The following COL4A3 variants were observed in gnomAD, a reference collection of about 807,000 sequenced individuals.
COL4A3 encodes collagen type IV alpha 3 chain.
A neutral mutation model predicts 217.4 loss-of-function variants in COL4A3; 135 were observed. That is an observed-to-expected ratio of 0.62 (90% CI 0.54 to 0.72). The LOEUF (loss-of-function observed/expected upper bound fraction) is 0.72, where lower values mean the gene tolerates loss of function less well. Ranked by LOEUF, COL4A3 falls within the 30% of genes least tolerant of loss-of-function variation. COL4A3 has a pLI of 0.00. For missense variants in COL4A3, 1,868 were observed against 2,119.9 expected, an observed-to-expected ratio of 0.88 and a Z score of 2.33; for synonymous variants, 690 against 736.3, an observed-to-expected ratio of 0.94 and a Z score of 1.02.
At chr2:227,286,074 GATA>G (rs2072303105) in intron 34 of COL4A3, among the ~76,000 whole-genome samples, 1 of 152,180 alleles carries the variant, frequency 6.6e-6, no homozygotes, top group Non-Finnish European at 1.5e-5. Context: ...TGTAGAAAAA[GATA>G]ATAAAGACGC....
intron 24 of COL4A3, 56 bp from the exon 25 acceptor site, chr2:227,270,714 G>C (rs2071183085): frequency 6.4e-7 from 1 of 1,565,366 alleles, no homozygotes; most frequent in Non-Finnish European, 8.8e-7. Context: ...TTTTAAGATT[G>C]ACAGAAGAAG....
chr2:227,249,228 ATATTTTTTTT>A lies in COL4A3; in HGVS notation c.546+710_546+719del, dbSNP rs1318474286. On this transcript the variant is annotated intron_variant, in intron 9 of 51. Transcript: ENST00000396578. Reference sequence around the variant, plus strand: ...AATTAGCTAGTATATATATATATATATATTTTTTTTTTTTTTTTTTTTTTTGAGAAGGAGT... The same window carrying A: ...AATTAGCTAGTATATATATATATATATTTTTTTTTTTTTTTGAGAAGGAGT... Among the ~76,000 whole-genome samples, 2 of 22,160 alleles carry A rather than the reference ATATTTTTTTT, an allele frequency of 9.0e-5. 1 individual carries two copies. Among genetic ancestry groups the A allele is most frequent in the African/African-American group, 3.0e-4 (2 of 6,666 alleles). 14.5% of individuals were successfully genotyped at this position (22,160 alleles called of 152,430 possible). A position where few individuals can be genotyped will look rare whatever the true frequency, so the allele number is the denominator to read the frequency against.
At chr2:227,205,763 A>G (rs1420663836) in intron 1 of COL4A3, among the ~76,000 whole-genome samples, 2 of 150,450 alleles carry the variant, frequency 1.3e-5, no homozygotes, top group Non-Finnish European at 3.0e-5. Context: ...ACATTTCCTG[A>G]GCTTTAAATA....
chr2:227,220,397 G>T (rs1286162031), intron 1 of COL4A3, among the ~76,000 whole-genome samples: 4 of 152,004 alleles, frequency 2.6e-5, no homozygotes, highest in African/African-American at 9.7e-5. Context: ...TGGCCAGGGT[G>T]GTCTCAAACT....
intron 9 of COL4A3, among the ~76,000 whole-genome samples, chr2:227,249,527 C>T (rs975111343): frequency 3.3e-5 from 5 of 151,734 alleles, no homozygotes; most frequent in Admixed American, 6.6e-5. Flanking sequence ...TAAGCCAACA[C>T]GCCCAGCCAA....
intron 26 of COL4A3, 24 bp downstream of exon 26, chr2:227,273,141 C>T: frequency 6.2e-7 from 1 of 1,612,136 alleles, no homozygotes; most frequent in Non-Finnish European, 8.5e-7. Context: ...CTTTCCAGTC[C>T]TGTTTTCCGA....
chr2:227,293,103 G>GA (rs1278902645), intron 37 of COL4A3, 88 bp from the exon 38 acceptor site: 4 of 1,558,096 alleles, frequency 2.6e-6, no homozygotes, highest in East Asian at 4.5e-5. Flanking sequence ...ATGAATGAAT[G>GA]AAAAAATTAG....
chr2:227,245,981 G>C lies in COL4A3; in HGVS notation c.352G>C (p.Gly118Arg). Residue 118 changes from glycine to arginine, a missense_variant, in exon 6 of 52, where the codon GGA (glycine) becomes CGA (arginine). Gly to Arg is a moderately radical substitution (Grantham distance 125). Around this residue, in one of 2 missense-constraint regions of COL4A3, gnomAD observed 365 missense variants for 333.8 expected, o/e 1.09. Coordinates refer to ENST00000396578, the MANE Select transcript of COL4A3 (RefSeq NM_000091.5). ...CACCCCAGGCAATACCGGGCCTTAC[G>C]GACTTGTCGGTGTACCAGGATGCAG... ...PGTPGNTGPY[G>R]LVGVPGCSGS... The C allele has an allele frequency of 6.2e-7, 1 of 1,613,914 alleles. No homozygotes were observed. The highest frequency in any genetic ancestry group is 8.5e-7 in the Non-Finnish European group (1 of 1,179,830).
intron 32 of COL4A3, among the ~76,000 whole-genome samples, chr2:227,283,207 T>G (rs2072092747): frequency 6.6e-6 from 1 of 152,212 alleles, no homozygotes; most frequent in Admixed American, 6.5e-5. Context: ...ATTGTTTATA[T>G]GTTTGGGGAG....
chr2:227,205,873 G>A (rs527979330), intron 1 of COL4A3, among the ~76,000 whole-genome samples: 57 of 149,514 alleles, frequency 3.8e-4, no homozygotes, highest in South Asian at 1.5e-3. Context: ...GCCAAATGTC[G>A]TAAGAGCAGT....
chr2:227,193,479 C>G (rs1384539829), intron 1 of COL4A3, among the ~76,000 whole-genome samples: 3 of 152,050 alleles, frequency 2.0e-5, no homozygotes, highest in Non-Finnish European at 2.9e-5. Flanking sequence ...TTGGGGAGGC[C>G]GAGGTGGGCG....
intron 27 of COL4A3, among the ~76,000 whole-genome samples, chr2:227,276,701 C>T (rs974320298): frequency 1.3e-5 from 2 of 152,164 alleles, no homozygotes; most frequent in African/African-American, 4.8e-5. Context: ...ATAAAGGTTC[C>T]CGAGGAGAAC....
At position 227,312,045 on chromosome 2, in the gene COL4A3, T is replaced by A; in HGVS notation, c.*175T>A. The A allele has an allele frequency of 8.5e-7, 1 of 1,176,288 alleles. No individual in the cohort carries two copies. The highest frequency in any genetic ancestry group is 1.2e-6 in the Non-Finnish European group (1 of 831,956). The allele number at this position is 1,176,288 out of a possible 1,614,324, so 72.9% of individuals were successfully genotyped here. A position where few individuals can be genotyped will look rare whatever the true frequency, so the allele number is the denominator to read the frequency against. ...AAGCAATTCTTTCAAGTCAGTTCTGTGATCTGGGTCTCTAATCTGTGCTGT... is the reference window on the plus strand; with the variant it reads ...AAGCAATTCTTTCAAGTCAGTTCTGAGATCTGGGTCTCTAATCTGTGCTGT... On this transcript the variant is annotated 3_prime_UTR_variant, in exon 52 of 52. Transcript: ENST00000396578.
chr2:227,205,008 G>A (rs2067048066), intron 1 of COL4A3, among the ~76,000 whole-genome samples: 1 of 152,092 alleles, frequency 6.6e-6, no homozygotes, highest in African/African-American at 2.4e-5. Context: ...TTTTACAATG[G>A]GTAAGTGAAA....
In COL4A3 at chr2:227,311,025, A is replaced by G. The variant is rs2073721304; in HGVS notation, c.4928+77A>G. ...AAAGGTTGCCTGTGTTCTTGGGTCA[A>G]CGAGTAGCCATGATTTTGTACTACT... On this transcript the variant is annotated intron_variant, in intron 51 of 51. Transcript: ENST00000396578. 6.0e-6 allele frequency: 9 copies of G among 1,509,804 alleles called. No individual in the cohort carries two copies. The South Asian group carries it at 6.8e-5, about 11-fold the overall frequency. The allele number at this position is 1,509,804 out of a possible 1,614,324, so 93.5% of individuals were successfully genotyped here.
At chr2:227,174,514 A>ATTG (rs200232431) in intron 1 of COL4A3, among the ~76,000 whole-genome samples, 4,786 of 151,814 alleles carry the variant, frequency 0.032, 235 homozygotes, top group African/African-American at 0.1. Context: ...TATTATTATT[A>ATTG]TTATTATTTT....
intron 43 of COL4A3, among the ~76,000 whole-genome samples, chr2:227,301,368 C>T (rs1189072285): frequency 6.6e-6 from 1 of 152,156 alleles, no homozygotes; most frequent in East Asian, 1.9e-4. Context: ...CTCATTTTGT[C>T]CTCTACTAAC....
chr2:227,272,133 G>A (rs1008332301), intron 25 of COL4A3, among the ~76,000 whole-genome samples: 9 of 152,188 alleles, frequency 5.9e-5, no homozygotes, highest in African/African-American at 2.2e-4. Flanking sequence ...GTCCCAGGTT[G>A]TTCACTTTGT....
chr2:227,280,176 A>C (rs895744308), intron 29 of COL4A3, among the ~76,000 whole-genome samples: 2 of 152,238 alleles, frequency 1.3e-5, no homozygotes, highest in Non-Finnish European at 1.5e-5. Context: ...GTGGTTAGCT[A>C]TAAGAAAAAC....
Sources: allele counts gnomAD v4.1 joint callset (sites outside exome capture counted in the v4.1 genomes callset), GRCh38; gene constraint gnomAD v4.1.1; regional missense constraint gnomAD v4.1.1; transcripts MANE v1.5; gene names NCBI Gene and HGNC (gene_info 2026-07-23, HGNC 2026-07-21).